SSH2: variants seen among roughly 807,000 people sequenced by gnomAD.
SSH2 encodes slingshot protein phosphatase 2.
Under a neutral mutation model 135.2 loss-of-function variants are expected in SSH2, and 37 were observed. The ratio of observed to expected loss-of-function variants is 0.27; its 90% CI spans 0.21 to 0.36. SSH2 has a LOEUF of 0.36. Ranked by LOEUF, SSH2 falls within the 10% of genes least tolerant of loss-of-function variation. The pLI is 1.00. For missense variants in SSH2, 1,408 were observed against 1,765.3 expected (o/e 0.80, Z 3.63); for synonymous variants, 628 against 646.2 (o/e 0.97, Z 0.43).
rs2035611704 is a variant in SSH2 at position 29,630,246 on chromosome 17, A to T, written c.*595T>A. ...TAAATTTGCAGAGCCGGCCATTATC[A>T]TGTCTTACTGTAACGATACACTCTG... On this transcript the variant is annotated 3_prime_UTR_variant, in exon 16 of 16. Coordinates refer to ENST00000540801, the MANE Select transcript of SSH2 (RefSeq NM_001282129.2). 1 of 152,182 alleles carries T rather than the reference A, an allele frequency of 6.6e-6. No individual in the cohort carries two copies. Among genetic ancestry groups the T allele is most frequent in the Non-Finnish European group, 1.5e-5 (1 of 68,026 alleles). 9.4% of individuals were successfully genotyped at this position (152,182 alleles called of 1,614,324 possible).
At chr17:29,765,327 A>G (rs2041418297) in intron 3 of SSH2, among the ~76,000 whole-genome samples, 2 of 152,330 alleles carry the variant, frequency 1.3e-5, no homozygotes, top group African/African-American at 4.8e-5. Flanking sequence ...ACCATTAGCT[A>G]TGAATTTCAG....
chr17:29,745,009 A>G (rs971084014), intron 3 of SSH2, among the ~76,000 whole-genome samples: 10 of 152,134 alleles, frequency 6.6e-5, no homozygotes, highest in Non-Finnish European at 1.3e-4. Context: ...TACTGATTCA[A>G]TAACAATGGC....
intron 3 of SSH2, among the ~76,000 whole-genome samples, chr17:29,741,478 G>C (rs558919258): frequency 4.1e-4 from 62 of 152,230 alleles, no homozygotes; most frequent in African/African-American, 1.4e-3. Flanking sequence ...ATATGAATCA[G>C]TCTTATGGAA....
At chr17:29,750,878 A>T (rs1054514360) in intron 3 of SSH2, among the ~76,000 whole-genome samples, 3 of 147,818 alleles carry the variant, frequency 2.0e-5, no homozygotes, top group Non-Finnish European at 4.5e-5. Flanking sequence ...AAAAAAAAGT[A>T]TTTTTTTTTA....
chr17:29,688,940 G>A (rs868857556), intron 5 of SSH2, among the ~76,000 whole-genome samples: 9 of 152,170 alleles, frequency 5.9e-5, no homozygotes, highest in South Asian at 4.1e-4. Flanking sequence ...TGGATCGCTT[G>A]AGGTCAGGAG....
chr17:29,836,853 G>A (rs1443870793), intron 2 of SSH2, among the ~76,000 whole-genome samples: 1 of 152,328 alleles, frequency 6.6e-6, no homozygotes, highest in East Asian at 1.9e-4. Flanking sequence ...CAACTCTCAT[G>A]ACATTTGTCT....
At chr17:29,655,480 G>A in intron 12 of SSH2, 81 bp downstream of exon 12, 2 of 1,287,480 alleles carry the variant, frequency 1.6e-6, no homozygotes, top group East Asian at 2.3e-5. Flanking sequence ...GTTACCCACT[G>A]ATACCTCTTT....
chr17:29,666,727 T>G, intron 11 of SSH2, 140 bp downstream of exon 11: 32 of 727,998 alleles, frequency 4.4e-5, no homozygotes, highest in Non-Finnish European at 6.2e-5. Context: ...TAGGAAGTGA[T>G]GAGGTTTGAG....
chr17:29,761,418 G>A (rs2041299795), intron 3 of SSH2: 5 of 1,047,358 alleles, frequency 4.8e-6, no homozygotes, highest in African/African-American at 1.7e-5. Context: ...AGGGCTCGGC[G>A]GTAGAGTCCG....
At chr17:29,761,874 TA>T (rs1272501539) in intron 3 of SSH2, among the ~76,000 whole-genome samples, 10 of 96,802 alleles carry the variant, frequency 1.0e-4, no homozygotes, top group African/African-American at 3.9e-4. Context: ...TGTGTGTGTA[TA>T]TATATATATA....
chr17:29,700,790 ACTT>A (rs1235359944), intron 4 of SSH2, among the ~76,000 whole-genome samples: 5 of 152,132 alleles, frequency 3.3e-5, no homozygotes, highest in South Asian at 2.1e-4. Flanking sequence ...GAACAGCTAA[ACTT>A]CTTTTTTTCT....
intron 3 of SSH2, among the ~76,000 whole-genome samples, chr17:29,749,457 G>C (rs1351073962): frequency 1.3e-5 from 2 of 152,218 alleles, no homozygotes; most frequent in African/African-American, 2.4e-5. Flanking sequence ...GAATACTGTA[G>C]GCCAACTGTA....
intron 1 of SSH2, among the ~76,000 whole-genome samples, chr17:29,908,549 G>C (rs953550522): frequency 6.6e-6 from 1 of 152,014 alleles, no homozygotes; most frequent in Non-Finnish European, 1.5e-5. Context: ...CAGATCACTT[G>C]AGGTCAGGAG....
chr17:29,780,973 G>A (rs1396099559), intron 3 of SSH2, among the ~76,000 whole-genome samples: 1 of 150,384 alleles, frequency 6.6e-6, no homozygotes, highest in Non-Finnish European at 1.5e-5. Context: ...CACCATGCCC[G>A]GCTAATTTTT....
chr17:29,903,396 C>G (rs977680091), intron 1 of SSH2, among the ~76,000 whole-genome samples: 2 of 150,870 alleles, frequency 1.3e-5, no homozygotes, highest in Non-Finnish European at 2.9e-5. Context: ...CTATGATATA[C>G]CACAACTTGA....
chr17:29,707,297 G>T (rs996424208), intron 3 of SSH2, among the ~76,000 whole-genome samples: 2 of 152,022 alleles, frequency 1.3e-5, no homozygotes, highest in African/African-American at 4.8e-5. Flanking sequence ...ATGAATGCAG[G>T]GCTTTCTCAA....
intron 1 of SSH2, among the ~76,000 whole-genome samples, chr17:29,879,354 A>G (rs965047289): frequency 1.3e-5 from 2 of 150,794 alleles, no homozygotes; most frequent in Non-Finnish European, 3.0e-5. Context: ...TCCACTTCTC[A>G]GGAACAGTGC....
chr17:29,898,314 C>T (rs1341573818), intron 1 of SSH2, among the ~76,000 whole-genome samples: 1 of 152,000 alleles, frequency 6.6e-6, no homozygotes, highest in East Asian at 1.9e-4. Context: ...CACAAAAAAA[C>T]CCTTCAAAAA....
intron 12 of SSH2, among the ~76,000 whole-genome samples, chr17:29,652,613 G>GGAAAAAT (rs1567846237): frequency 2.0e-5 from 3 of 151,760 alleles, no homozygotes; most frequent in Non-Finnish European, 2.9e-5. Context: ...AAAGGAAAAA[G>GGAAAAAT]AAAAAAAGAC....
Sources: allele counts gnomAD v4.1 joint callset (sites outside exome capture counted in the v4.1 genomes callset), GRCh38; gene constraint gnomAD v4.1.1; transcripts MANE v1.5; gene names NCBI Gene and HGNC (gene_info 2026-07-23, HGNC 2026-07-21).